Variants in MAGI3 observed in about 807,000 individuals in gnomAD.
The protein encoded by MAGI3 is membrane associated guanylate kinase, WW and PDZ domain containing 3.
In MAGI3, 43 loss-of-function variants were observed where a neutral mutation model predicts 121.8. The observed-to-expected ratio is 0.35, with a 90% confidence interval of 0.28 to 0.46. The LOEUF is 0.46. Among genes scored for constraint, MAGI3 ranks in the 20% least tolerant of loss-of-function variants. The pLI, the probability that MAGI3 is intolerant of heterozygous loss-of-function variation, is 1.00. For synonymous variants in MAGI3, 553 were observed against 639.3 expected (o/e 0.86, Z 2.04); for missense variants, 1,547 against 1,797.3 (o/e 0.86, Z 2.52).
At chr1:113,648,766 C>G (rs1652990072) in intron 12 of MAGI3, among the ~76,000 whole-genome samples, 2 of 151,930 alleles carry the variant, frequency 1.3e-5, no homozygotes, top group Non-Finnish European at 2.9e-5. Flanking sequence ...GTAAGTAGTT[C>G]ATATGGAATA....
At position 113,668,871 on chromosome 1, in the gene MAGI3, C is replaced by T. The variant is rs567441201; in HGVS notation, c.2816-2863C>T. On this transcript the variant is annotated intron_variant, in intron 16 of 20. Coordinates refer to ENST00000307546, the MANE Select transcript of MAGI3 (RefSeq NM_001142782.2). Reference sequence around the variant, plus strand: ...TGCTGGGATTACAGGCGTGAGCCACCGCGCCCGGCCAAAAACATGTAACTT... The same window carrying T: ...TGCTGGGATTACAGGCGTGAGCCACTGCGCCCGGCCAAAAACATGTAACTT... Among the ~76,000 whole-genome samples the T allele has an allele frequency of 2.0e-5, 3 of 152,222 alleles. No homozygotes were observed. In the South Asian group the frequency reaches 6.2e-4, roughly 32 times the overall value.
chr1:113,511,952 AC>A (rs1448074525), intron 1 of MAGI3, among the ~76,000 whole-genome samples: 1 of 152,146 alleles, frequency 6.6e-6, no homozygotes, highest in East Asian at 1.9e-4. Context: ...TATGATCTTT[AC>A]CTCTTCCCCC....
intron 8 of MAGI3, among the ~76,000 whole-genome samples, chr1:113,620,797 C>T (rs1313133988): frequency 6.6e-6 from 1 of 152,058 alleles, no homozygotes; most frequent in Non-Finnish European, 1.5e-5. Flanking sequence ...GGTTTGAATC[C>T]CAGCTGTGTA....
chr1:113,659,518 C>T (rs1345163747), intron 16 of MAGI3, among the ~76,000 whole-genome samples: 1 of 152,094 alleles, frequency 6.6e-6, no homozygotes, highest in Admixed American at 6.5e-5. Flanking sequence ...GAAGCAAGCA[C>T]CCAGAAGTGA....
chr1:113,679,896 G>A (rs1344941789), intron 19 of MAGI3, among the ~76,000 whole-genome samples: 4 of 151,852 alleles, frequency 2.6e-5, no homozygotes, highest in African/African-American at 9.7e-5. Flanking sequence ...GTAGAGACCG[G>A]GTTTCTCCAT....
At chr1:113,636,556 C>A (rs971523813) in intron 9 of MAGI3, among the ~76,000 whole-genome samples, 3 of 152,062 alleles carry the variant, frequency 2.0e-5, no homozygotes, top group African/African-American at 7.2e-5. Flanking sequence ...GTTTCTTAAT[C>A]CTGAGTTCTA....
chr1:113,440,718 C>CTGG (rs372961376), intron 1 of MAGI3, among the ~76,000 whole-genome samples: 1 of 152,214 alleles, frequency 6.6e-6, no homozygotes, highest in South Asian at 2.1e-4. Flanking sequence ...TTGTACAGTT[C>CTGG]TGGTGGTGGT....
chr1:113,401,253 T>C (rs1191006964), intron 1 of MAGI3, among the ~76,000 whole-genome samples: 1 of 152,116 alleles, frequency 6.6e-6, no homozygotes, highest in Non-Finnish European at 1.5e-5. Flanking sequence ...AAAAAACCTG[T>C]CTTCCTTTTT....
intron 18 of MAGI3, among the ~76,000 whole-genome samples, chr1:113,672,983 T>C (rs543261912): frequency 6.6e-6 from 1 of 152,340 alleles, no homozygotes; most frequent in East Asian, 1.9e-4. Context: ...GTAAATAGTA[T>C]TTTAGATAAT....
At chr1:113,416,714 G>T (rs564805734) in intron 1 of MAGI3, among the ~76,000 whole-genome samples, 1 of 151,150 alleles carries the variant, frequency 6.6e-6, no homozygotes, top group African/African-American at 2.4e-5. Context: ...TGGTTTTAAG[G>T]AGGAATATGA....
rs370931257 is a variant in MAGI3, at chr1:113,442,794, T to A, written c.316+51445T>A. ...CCATAGCCTTAGTTTAGATTCTTCA[T>A]CATCCTTATCTTGACTATTATGTTA... On this transcript the variant is annotated intron_variant, in intron 1 of 20. Coordinates refer to ENST00000307546, the MANE Select transcript of MAGI3 (RefSeq NM_001142782.2). Among the ~76,000 whole-genome samples, 132 of 152,228 alleles carry A rather than the reference T, an allele frequency of 8.7e-4. 2 individuals are homozygous for A. The South Asian group carries it at 0.027, about 31-fold the overall frequency.
At chr1:113,568,887 C>G (rs917436758) in intron 2 of MAGI3, among the ~76,000 whole-genome samples, 2 of 151,742 alleles carry the variant, frequency 1.3e-5, no homozygotes, top group African/African-American at 4.8e-5. Context: ...GGATTTTTTT[C>G]AACTAGACAC....
At chr1:113,675,259 A>G (rs1408774430) in intron 19 of MAGI3, among the ~76,000 whole-genome samples, 1 of 152,200 alleles carries the variant, frequency 6.6e-6, no homozygotes, top group Non-Finnish European at 1.5e-5. Flanking sequence ...CTTGAATGGT[A>G]ACGCTTTGGA....
At chr1:113,574,609 G>T (rs774438283) in intron 2 of MAGI3, among the ~76,000 whole-genome samples, 4 of 152,164 alleles carry the variant, frequency 2.6e-5, no homozygotes, top group Non-Finnish European at 4.4e-5. Flanking sequence ...CTCTCTGGCT[G>T]CCCTTAACAT....
At chr1:113,601,136 A>T (rs1393867457) in intron 6 of MAGI3, among the ~76,000 whole-genome samples, 12 of 151,974 alleles carry the variant, frequency 7.9e-5, no homozygotes, top group Admixed American at 1.3e-4. Flanking sequence ...AACCTAGGCA[A>T]TACCATTCAG....
intron 1 of MAGI3, among the ~76,000 whole-genome samples, chr1:113,448,371 C>T (rs926914411): frequency 3.3e-5 from 5 of 152,316 alleles, no homozygotes; most frequent in Middle Eastern, 6.8e-3. Flanking sequence ...ACTGAGGCTA[C>T]TGTTTGGGAG....
chr1:113,463,768 A>G (rs1409944772), intron 1 of MAGI3, among the ~76,000 whole-genome samples: 1 of 152,104 alleles, frequency 6.6e-6, no homozygotes. Context: ...GATGTCAATC[A>G]GGGAGATATT....
intron 15 of MAGI3, 107 bp downstream of exon 15, chr1:113,654,125 C>A: frequency 1.2e-6 from 1 of 865,748 alleles, no homozygotes; most frequent in Non-Finnish European, 1.7e-6. Context: ...GCCTTAGGTA[C>A]TTATCTTTTT....
At chr1:113,472,615 A>G (rs1378512348) in intron 1 of MAGI3, among the ~76,000 whole-genome samples, 1 of 148,658 alleles carries the variant, frequency 6.7e-6, no homozygotes, top group African/African-American at 2.5e-5. Context: ...TTTAATAATG[A>G]TATGCTCTGA....
Sources: gnomAD v4.1 joint callset for allele counts (sites outside exome capture counted in the v4.1 genomes callset) on GRCh38, gnomAD v4.1.1 for gene constraint, MANE v1.5 for transcripts, NCBI Gene and HGNC (gene_info 2026-07-23, HGNC 2026-07-21) for gene names.